HIRA: variants seen among roughly 807,000 people sequenced by gnomAD.
The protein encoded by HIRA is protein HIRA.
Under a neutral mutation model 126.6 loss-of-function variants are expected in HIRA, and 13 were observed. The ratio of observed to expected loss-of-function variants is 0.10; its 90% CI spans 0.07 to 0.16. HIRA has a LOEUF of 0.16. Ranked by LOEUF, HIRA falls within the 10% of genes least tolerant of loss-of-function variation. The pLI is 1.00. For missense variants in HIRA, 834 were observed against 1,314.4 expected (o/e 0.63, Z 5.65); for synonymous variants, 511 against 520.0 (o/e 0.98, Z 0.24).
chr22:19,388,957 C>G (rs1014014858), intron 9 of HIRA, among the ~76,000 whole-genome samples: 1 of 152,062 alleles, frequency 6.6e-6, no homozygotes, highest in African/African-American at 2.4e-5. Context: ...GATGAGGCAC[C>G]CTGAGAGAGA....
intron 13 of HIRA, among the ~76,000 whole-genome samples, chr22:19,381,176 T>C (rs1460814210): frequency 1.3e-5 from 2 of 152,256 alleles, no homozygotes; most frequent in African/African-American, 4.8e-5. Context: ...ATATGACTTA[T>C]TTCTTTATGT....
intron 9 of HIRA, among the ~76,000 whole-genome samples, chr22:19,391,665 A>G (rs1189225371): frequency 6.6e-6 from 1 of 152,020 alleles, no homozygotes; most frequent in Non-Finnish European, 1.5e-5. Flanking sequence ...TATTTTTAGT[A>G]GAGACGGGGT....
intron 1 of HIRA, among the ~76,000 whole-genome samples, chr22:19,427,314 A>G (rs117317936): frequency 6.6e-6 from 1 of 152,204 alleles, no homozygotes; most frequent in Non-Finnish European, 1.5e-5. Context: ...CACTGCAATC[A>G]TATAACCTCA....
Position 19,359,475 on chromosome 22 carries a change from C to T in HIRA, c.2095G>A (p.Asp699Asn), listed in dbSNP as rs910859106. 1.5e-5 allele frequency: 24 copies of T among 1,603,946 alleles called. No homozygotes were observed. Among genetic ancestry groups the T allele is most frequent in the South Asian group, 6.7e-5 (6 of 89,170 alleles). Residue 699 changes from aspartate to asparagine, a missense_variant, in exon 18 of 25, where the codon GAT (aspartate) becomes AAT (asparagine). Physicochemically the swap from Asp to Asn is conservative, Grantham distance 23. Around this residue, in one of 5 missense-constraint regions of HIRA, gnomAD observed 468 missense variants for 574.2 expected, o/e 0.82. Transcript: ENST00000263208. ...TCCACCTCAATGTACATGGAAGGAT[C>T]GGAGCTGACCTGGATGAAGTAAACA... ...QRAFTLQVSS[D>N]PSMYIEVENE...
At chr22:19,426,317 CAA>C (rs2089488045) in intron 1 of HIRA, among the ~76,000 whole-genome samples, 1 of 152,206 alleles carries the variant, frequency 6.6e-6, no homozygotes, top group African/African-American at 2.4e-5. Context: ...AAGCTGCTGG[CAA>C]GGCTCTGCCT....
chr22:19,427,738 T>C (rs957423954), intron 1 of HIRA, among the ~76,000 whole-genome samples: 2 of 152,340 alleles, frequency 1.3e-5, no homozygotes, highest in East Asian at 3.9e-4. Context: ...GCATAAGCGC[T>C]GTCTGCCCAG....
intron 1 of HIRA, among the ~76,000 whole-genome samples, chr22:19,422,855 CTT>C (rs2089459257): frequency 2.6e-5 from 4 of 152,208 alleles, no homozygotes; most frequent in Admixed American, 2.6e-4. Flanking sequence ...TGGAAGCACT[CTT>C]TTGGCAGGGT....
intron 1 of HIRA, among the ~76,000 whole-genome samples, chr22:19,423,482 TACACACACACACACAC>T (rs777914879): frequency 7.2e-5 from 8 of 111,300 alleles, no homozygotes; most frequent in East Asian, 5.1e-4. Context: ...CACACATGCA[TACACACACACACACAC>T]ACACACACAC....
intron 24 of HIRA, among the ~76,000 whole-genome samples, chr22:19,336,498 A>G (rs1210633880): frequency 6.6e-6 from 1 of 152,356 alleles, no homozygotes; most frequent in South Asian, 2.1e-4. Context: ...ACAACAGCTA[A>G]TTCCACTGCC....
chr22:19,377,966 A>C lies in HIRA; in HGVS notation c.1516T>G (p.Ser506Ala). Reference sequence around the variant, plus strand: ...GCGCCGAAGGAGTTAGGGGTACTGGAGTCCAGTGGCAGTAGCTGTGGACTG... The same window carrying C: ...GCGCCGAAGGAGTTAGGGGTACTGGCGTCCAGTGGCAGTAGCTGTGGACTG... ...HSSPQLLPLD[S>A]STPNSFGASK... Residue 506 changes from serine (S) to alanine (A), a missense_variant, in exon 14 of 25, where the codon TCC becomes GCC. Physicochemically the swap from Ser to Ala is moderately conservative, Grantham distance 99 (BLOSUM62 1). Around this residue, in one of 5 missense-constraint regions of HIRA, gnomAD observed 468 missense variants for 574.2 expected, o/e 0.82. Coordinates refer to ENST00000263208, the MANE Select transcript of HIRA (RefSeq NM_003325.4). 1 of 1,613,844 alleles carries C rather than the reference A, an allele frequency of 6.2e-7. No homozygotes were observed. Among genetic ancestry groups the C allele is most frequent in the Non-Finnish European group, 8.5e-7 (1 of 1,179,896 alleles).
In HIRA at chr22:19,356,878, C is replaced by T. The variant is rs1556012698; in HGVS notation, c.2396+12G>A. The T allele has an allele frequency of 1.8e-5, 29 of 1,612,908 alleles. No individual in the cohort carries two copies. Among genetic ancestry groups the T allele is most frequent in the Non-Finnish European group, 2.5e-5 (29 of 1,179,590 alleles). The stretch of plus-strand genomic sequence containing the variant: ...TGGCTGAAGCCCACCCCACCCTGTG[C>T]CTGCCTCTCACCAGACAGAGAGTGT... On this transcript the variant is annotated intron_variant, in intron 19 of 24. Coordinates refer to ENST00000263208, the MANE Select transcript of HIRA (RefSeq NM_003325.4).
chr22:19,335,124 G>C (rs1464334241), intron 24 of HIRA, among the ~76,000 whole-genome samples: 1 of 151,804 alleles, frequency 6.6e-6, no homozygotes. Flanking sequence ...TCTTTTAATG[G>C]TATACTTTCA....
chr22:19,376,679 C>T (rs577148944), intron 14 of HIRA, among the ~76,000 whole-genome samples: 5 of 152,212 alleles, frequency 3.3e-5, no homozygotes, highest in African/African-American at 4.8e-5. Flanking sequence ...CTCTCAGGGT[C>T]CCCCCAGGGC....
rs2088758767 is a variant in HIRA at position 19,351,632 on chromosome 22, C to T, written c.2849-186G>A. Among the ~76,000 whole-genome samples, 1 of 152,150 alleles carries T rather than the reference C, an allele frequency of 6.6e-6. No homozygotes were observed. Among genetic ancestry groups the T allele is most frequent in the South Asian group, 2.1e-4 (1 of 4,828 alleles). On this transcript the variant is annotated intron_variant, in intron 23 of 24. Transcript: ENST00000263208. The surrounding 1 kb of genome is among the most constrained non-coding windows in gnomAD (Gnocchi z 4.8). ...TGTCTCTCAGCGGGGGGCACTGAGACCCATAATCACAGATTTTCACTCACT... is the reference window on the plus strand; with the variant it reads ...TGTCTCTCAGCGGGGGGCACTGAGATCCATAATCACAGATTTTCACTCACT...
intron 15 of HIRA, among the ~76,000 whole-genome samples, chr22:19,366,292 G>A (rs1283001020): frequency 6.6e-6 from 1 of 151,548 alleles, no homozygotes; most frequent in African/African-American, 2.4e-5. Context: ...AACCCGGGAG[G>A]TGGAGCTTGC....
chr22:19,405,490 C>A (rs932035769), intron 5 of HIRA: 44 of 985,244 alleles, frequency 4.5e-5, no homozygotes, highest in Non-Finnish European at 5.3e-5. Flanking sequence ...GATGAAGGTA[C>A]TGATTCTGTT....
At chr22:19,331,742 G>C (rs2088489989) in intron 24 of HIRA, among the ~76,000 whole-genome samples, 186 bp from the exon 25 acceptor site, 1 of 152,232 alleles carries the variant, frequency 6.6e-6, no homozygotes, top group Non-Finnish European at 1.5e-5. Flanking sequence ...AGGTGGAATG[G>C]GAGCAACACA....
At position 19,354,089 on chromosome 22, in the gene HIRA, A is replaced by C. The variant is rs1556011776; in HGVS notation, c.2591T>G (p.Leu864Arg). 3.1e-6 allele frequency: 5 copies of C among 1,613,154 alleles called. No individual in the cohort carries two copies. Among genetic ancestry groups the C allele is most frequent in the Non-Finnish European group, 4.2e-6 (5 of 1,179,616 alleles). ...GCTCCTAAAGTCTGCACACTGAGCC[A>C]GTGAGTCCTGCTTGTCAGAAACCAG... ...WNLVSDKQDSLAQCADFRSSL... is the reference protein window; with the variant it reads ...WNLVSDKQDSRAQCADFRSSL... Residue 864 changes from leucine to arginine, a missense_variant, in exon 22 of 25, where the codon CTG becomes CGG. Transcript: ENST00000263208.
At chr22:19,383,051 C>A (rs1217102892) in intron 13 of HIRA, among the ~76,000 whole-genome samples, 2 of 152,020 alleles carry the variant, frequency 1.3e-5, no homozygotes, top group African/African-American at 4.8e-5. Flanking sequence ...GCTGGCTAAG[C>A]AAATCCTAGG....
Sources: allele counts gnomAD v4.1 joint callset (sites outside exome capture counted in the v4.1 genomes callset), GRCh38; gene constraint gnomAD v4.1.1; regional missense constraint gnomAD v4.1.1; non-coding constraint Gnocchi (gnomAD v3.1); transcripts MANE v1.5; gene names NCBI Gene and HGNC (gene_info 2026-07-23, HGNC 2026-07-21).